The following TENT2 variants were observed in gnomAD, a reference collection of about 807,000 sequenced individuals.
TENT2 encodes the protein poly(A) RNA polymerase GLD2.
In TENT2, 44 loss-of-function variants were observed where a neutral mutation model predicts 72.2. The ratio of observed to expected loss-of-function variants is 0.61; its 90% CI spans 0.48 to 0.78. The LOEUF is 0.78. Among genes scored for constraint, TENT2 ranks in the 30% least tolerant of loss-of-function variants. The probability of loss-of-function intolerance (pLI) is 0.00; values close to 1 mark genes in which losing one functional copy is unlikely to be tolerated. For synonymous variants in TENT2, 212 were observed against 192.5 expected (o/e 1.10, Z -0.84); for missense variants, 541 against 569.6 (o/e 0.95, Z 0.51).
intron 12 of TENT2, among the ~76,000 whole-genome samples, chr5:79,675,223 TTTGAG>T (rs1387230363): frequency 4.6e-5 from 7 of 152,178 alleles, no homozygotes; most frequent in Non-Finnish European, 8.8e-5. Context: ...AATAAACTTG[TTTGAG>T]TTAAGAATGG....
chr5:79,664,433 A>G (rs1225534727), intron 11 of TENT2, among the ~76,000 whole-genome samples: 1 of 152,056 alleles, frequency 6.6e-6, no homozygotes, highest in Admixed American at 6.6e-5. Flanking sequence ...CGTCTCTACT[A>G]AAAATACAAA....
intron 10 of TENT2, 88 bp from the exon 11 acceptor site, chr5:79,656,870 T>A: frequency 1.1e-6 from 1 of 888,144 alleles, no homozygotes; most frequent in Non-Finnish European, 1.8e-6. Flanking sequence ...ACCCTTATGG[T>A]CTTATACCTG....
rs1210314851 is a variant in TENT2, at chr5:79,619,679, C to T, written c.31C>T (p.Pro11Ser). 1.2e-6 allele frequency: 2 copies of T among 1,613,750 alleles called. No individual in the cohort carries two copies. MFPNSILGRPPFTPNHQQHNN... is the reference protein window; with the variant it reads MFPNSILGRPSFTPNHQQHNN... ...CCCAAACTCAATTTTGGGTCGCCCA[C>T]CCTTCACTCCAAATCATCAACAACA... The change falls in exon 2 of 15, where the codon CCC (proline) becomes TCC (serine). Residue 11 changes from proline (P) to serine (S), a missense_variant. Pro to Ser is a moderately conservative substitution (Grantham distance 74, BLOSUM62 -1). Transcript: ENST00000453514.
chr5:79,670,963 T>C lies in TENT2; in HGVS notation c.1208+1935T>C, dbSNP rs562516643. Among the ~76,000 whole-genome samples the C allele has an allele frequency of 1.2e-3, 185 of 151,916 alleles. 1 individual carries two copies. Among genetic ancestry groups the C allele is most frequent in the Middle Eastern group, 3.4e-3 (1 of 294 alleles). On this transcript the variant is annotated intron_variant, in intron 12 of 14. Coordinates refer to ENST00000453514, the MANE Select transcript of TENT2 (RefSeq NM_001114394.3). ...CTTAATTGTTAGACTGTATTGACAT[T>C]GTTTATTATGTTATATAAATTAGGG...
At chr5:79,683,800 G>T (rs938386853) in intron 14 of TENT2, among the ~76,000 whole-genome samples, 9 of 148,430 alleles carry the variant, frequency 6.1e-5, no homozygotes, top group African/African-American at 2.2e-4. Flanking sequence ...GGCGCCTGTA[G>T]TCCCAGCTAC....
chr5:79,659,556 G>GTATATGTATATATATATA (rs1554086833), intron 11 of TENT2, among the ~76,000 whole-genome samples: 1 of 34,270 alleles, frequency 2.9e-5, no homozygotes, highest in African/African-American at 1.3e-4. Context: ...AAAAAAAAAT[G>GTATATGTATATATATATA]TATATATATA....
At chr5:79,641,288 T>G (rs1445557847) in intron 6 of TENT2, 92 bp downstream of exon 6, 1 of 1,086,480 alleles carries the variant, frequency 9.2e-7, no homozygotes, top group Non-Finnish European at 1.3e-6. Flanking sequence ...AAACTTGCTT[T>G]GTTGTGATTA....
At chr5:79,616,342 G>A (rs918990116) in intron 1 of TENT2, among the ~76,000 whole-genome samples, 3 of 151,872 alleles carry the variant, frequency 2.0e-5, no homozygotes, top group Admixed American at 2.0e-4. Flanking sequence ...GGGATTACAG[G>A]CATGTGCTAC....
chr5:79,623,624 T>A, intron 4 of TENT2, 135 bp downstream of exon 4: 2 of 504,482 alleles, frequency 4.0e-6, no homozygotes, highest in Non-Finnish European at 6.6e-6. Context: ...CTATTCAGCC[T>A]AATTTTCTGT....
intron 11 of TENT2, among the ~76,000 whole-genome samples, chr5:79,667,964 A>G (rs1053368688): frequency 4.7e-5 from 7 of 149,758 alleles, no homozygotes; most frequent in South Asian, 2.1e-4. Context: ...AAAAAAATCC[A>G]TTTCTATTCT....
At chr5:79,622,199 G>A (rs1002824871) in intron 3 of TENT2, among the ~76,000 whole-genome samples, 2 of 152,080 alleles carry the variant, frequency 1.3e-5, no homozygotes, top group Non-Finnish European at 2.9e-5. Flanking sequence ...TACTCAGGCG[G>A]CTGAGGCAGG....
intron 14 of TENT2, 121 bp from the exon 15 acceptor site, chr5:79,685,064 AGAAAAAATTTGAAG>A (rs1825545695): frequency 2.8e-6 from 2 of 723,658 alleles, no homozygotes; most frequent in Admixed American, 3.2e-5. Context: ...TCTCAAAAAA[AGAAAAAATTTGAAG>A]GAAAAAATTA....
intron 10 of TENT2, among the ~76,000 whole-genome samples, chr5:79,656,442 GTTAT>G (rs1049043641): frequency 6.6e-6 from 1 of 151,528 alleles, no homozygotes. Context: ...TTTTTTTGTT[GTTAT>G]TTGCAGTATA....
intron 4 of TENT2, among the ~76,000 whole-genome samples, chr5:79,635,679 G>T (rs1036618342): frequency 2.6e-5 from 4 of 151,770 alleles, no homozygotes; most frequent in South Asian, 2.1e-4. Flanking sequence ...CTCAGCCTCC[G>T]GAGTAGCTGA....
At chr5:79,680,871 C>A (rs867786234) in intron 13 of TENT2, among the ~76,000 whole-genome samples, 6 of 152,102 alleles carry the variant, frequency 3.9e-5, no homozygotes, top group Middle Eastern at 3.2e-3. Context: ...CATTTCATCT[C>A]ATTCCTGATG....
chr5:79,656,924 A>T, intron 10 of TENT2, 34 bp from the exon 11 acceptor site: 1 of 1,556,820 alleles, frequency 6.4e-7, no homozygotes, highest in Non-Finnish European at 8.8e-7. Flanking sequence ...GAGTCACGTG[A>T]ATCACGGAAG....
intron 12 of TENT2, among the ~76,000 whole-genome samples, chr5:79,678,868 T>C (rs1353676170): frequency 6.6e-6 from 1 of 152,164 alleles, no homozygotes; most frequent in African/African-American, 2.4e-5. Flanking sequence ...ATGACCATAG[T>C]TGTTTTTGTT....
At chr5:79,668,786 A>C (rs932162283) in intron 11 of TENT2, 106 bp from the exon 12 acceptor site, 1 of 1,350,294 alleles carries the variant, frequency 7.4e-7, no homozygotes, top group Non-Finnish European at 1.0e-6. Context: ...AAATAGAGTA[A>C]ATTTCTTCTC....
intron 3 of TENT2, among the ~76,000 whole-genome samples, chr5:79,622,698 A>G (rs1244765234): frequency 6.6e-6 from 1 of 152,146 alleles, no homozygotes; most frequent in Admixed American, 6.6e-5. Flanking sequence ...ACCAAAATAC[A>G]TTGATTATTC....
Sources: allele counts gnomAD v4.1 joint callset (sites outside exome capture counted in the v4.1 genomes callset), GRCh38; gene constraint gnomAD v4.1.1; transcripts MANE v1.5; gene names NCBI Gene and HGNC (gene_info 2026-07-23, HGNC 2026-07-21).